The following SLC66A2 variants were observed in gnomAD, a reference collection of about 807,000 sequenced individuals.
The protein encoded by SLC66A2 is solute carrier family 66 member 2.
In SLC66A2, 23 loss-of-function variants were observed where a neutral mutation model predicts 25.5. The observed-to-expected ratio is 0.90, with a 90% CI of 0.65 to 1.28. SLC66A2 has a LOEUF of 1.28. Ranked by LOEUF, SLC66A2 falls within the 50% of genes most tolerant of loss-of-function variation. The pLI is 0.00. For synonymous variants in SLC66A2, 193 were observed against 166.5 expected (o/e 1.16, Z -1.23); for missense variants, 396 against 373.1 (o/e 1.06, Z -0.51).
chr18:79,924,818 A>C (rs1985736325), intron 4 of SLC66A2: 1 of 152,220 alleles, frequency 6.6e-6, no homozygotes, highest in Non-Finnish European at 1.5e-5. Context: ...CTGGGAATTA[A>C]GGTGCTGTCA....
intron 5 of SLC66A2, among the ~76,000 whole-genome samples, chr18:79,912,346 T>TGAAGAAC (rs528704260): frequency 1.5e-4 from 23 of 152,266 alleles, no homozygotes; most frequent in East Asian, 7.7e-4. Flanking sequence ...GTCCCTCAGC[T>TGAAGAAC]GAAGAACGAA....
At position 79,944,371 on chromosome 18, in the gene SLC66A2, C is replaced by G. The variant is rs926276836; in HGVS notation, c.204-909G>C. 3 of 152,810 alleles carry G rather than the reference C, an allele frequency of 2.0e-5. 1 individual carries two copies. The highest frequency in any genetic ancestry group is 4.4e-5 in the Non-Finnish European group (3 of 68,556). 9.5% of individuals were successfully genotyped at this position (152,810 alleles called of 1,614,324 possible). A position where few individuals can be genotyped will look rare whatever the true frequency, so the allele number is the denominator to read the frequency against. ...AGAAGACAGCCAAGGCTCTGCACCA[C>G]CCCCGCCCCCACGCCTCCCTGGCCC... On this transcript the variant is annotated intron_variant, in intron 2 of 5. Transcript: ENST00000397778.
intron 4 of SLC66A2, among the ~76,000 whole-genome samples, chr18:79,931,625 A>G (rs1435572435): frequency 6.6e-6 from 1 of 152,124 alleles, no homozygotes; most frequent in Non-Finnish European, 1.5e-5. Flanking sequence ...CTAACAGACA[A>G]CCCTCCACCT....
intron 2 of SLC66A2, among the ~76,000 whole-genome samples, chr18:79,947,827 T>TG (rs11291850): frequency 4.0e-5 from 6 of 148,968 alleles, no homozygotes; most frequent in Non-Finnish European, 7.5e-5. Flanking sequence ...AAGCCAGGAG[T>TG]GGGGGGTCAC....
In SLC66A2 at chr18:79,917,946, G is replaced by A. The variant is rs950352470; in HGVS notation, c.608+1238C>T. On this transcript the variant is annotated intron_variant, in intron 5 of 5. Coordinates refer to ENST00000397778, the MANE Select transcript of SLC66A2 (RefSeq NM_025078.5). The surrounding 1 kb of genome is among the most constrained non-coding windows in gnomAD (Gnocchi z 6.0). ...CCGGAACTCCATACCCCACACCCCA[G>A]CCCACACCTACACTTCACATCTGTG... Among the ~76,000 whole-genome samples the A allele has an allele frequency of 6.0e-5, 9 of 150,792 alleles. No individual in the cohort carries two copies. The highest frequency in any genetic ancestry group is 2.2e-4 in the African/African-American group (9 of 40,854).
chr18:79,907,151 G>A (rs539780965), intron 5 of SLC66A2, among the ~76,000 whole-genome samples: 79 of 152,258 alleles, frequency 5.2e-4, no homozygotes, highest in African/African-American at 1.7e-3. Context: ...TAATTGGTAT[G>A]ATTAGGCCAT....
At chr18:79,924,411 G>A (rs935996570) in intron 4 of SLC66A2, among the ~76,000 whole-genome samples, 3 of 152,164 alleles carry the variant, frequency 2.0e-5, no homozygotes, top group East Asian at 1.9e-4. Context: ...AGCCGCCGTC[G>A]GGGCTGGGGG....
At chr18:79,936,684 T>A (rs1987122548) in intron 3 of SLC66A2, among the ~76,000 whole-genome samples, 1 of 152,208 alleles carries the variant, frequency 6.6e-6, no homozygotes, top group African/African-American at 2.4e-5. Context: ...TAAAACAAAG[T>A]TAAACTTTAT....
At chr18:79,913,966 T>C (rs1983609106) in intron 5 of SLC66A2, among the ~76,000 whole-genome samples, 2 of 152,202 alleles carry the variant, frequency 1.3e-5, no homozygotes, top group Non-Finnish European at 2.9e-5. Context: ...TGGAGTGCAG[T>C]GGCGCGATCT....
chr18:79,905,611 C>G (rs1982007730), intron 5 of SLC66A2, among the ~76,000 whole-genome samples: 1 of 152,270 alleles, frequency 6.6e-6, no homozygotes, highest in Non-Finnish European at 1.5e-5. Flanking sequence ...GGTGACCCCG[C>G]CACCGGTCAC....
At chr18:79,933,134 T>A (rs1986735014) in intron 4 of SLC66A2, among the ~76,000 whole-genome samples, 2 of 152,210 alleles carry the variant, frequency 1.3e-5, no homozygotes. Context: ...AATGCAAGGT[T>A]GGTTCAACAC....
Position 79,933,999 on chromosome 18 carries a change from CTTCT to C in SLC66A2, c.357_360del (p.Glu120SerfsTer60). ...AAGGACCGCCTGGGGGCAACCTTGACTTCTTCATCCTTGCTATCTGCAGCTACAC... is the reference window on the plus strand; with the variant it reads ...AAGGACCGCCTGGGGGCAACCTTGACTCATCCTTGCTATCTGCAGCTACAC... On this transcript the variant is annotated frameshift_variant, in exon 4 of 6. Coordinates refer to ENST00000397778, the MANE Select transcript of SLC66A2 (RefSeq NM_025078.5). LOFTEE classifies it high-confidence loss of function. The C allele has an allele frequency of 1.2e-6, 2 of 1,612,768 alleles. No homozygotes were observed. The highest frequency in any genetic ancestry group is 2.2e-5 in the South Asian group (2 of 90,382).
intron 5 of SLC66A2, among the ~76,000 whole-genome samples, chr18:79,907,641 G>A (rs566610818): frequency 6.6e-6 from 1 of 152,094 alleles, no homozygotes; most frequent in Non-Finnish European, 1.5e-5. Context: ...GTGAGCCACC[G>A]TGTCAGGCCT....
chr18:79,946,706 A>G (rs938411093), intron 2 of SLC66A2, among the ~76,000 whole-genome samples: 34 of 152,234 alleles, frequency 2.2e-4, no homozygotes, highest in Admixed American at 1.6e-3. Flanking sequence ...AGTGGCTCAC[A>G]CCTGTAATCC....
chr18:79,944,891 A>AGCAGAAGCAGGGGGAACCCCACAGCCCC (rs1568338715), intron 2 of SLC66A2, among the ~76,000 whole-genome samples: 28 of 146,174 alleles, frequency 1.9e-4, no homozygotes, highest in Middle Eastern at 3.4e-3. Flanking sequence ...CCCCTTATCG[A>AGCAGAAGCAGGGGGAACCCCACAGCCCC]CTCAGAGCAG....
intron 3 of SLC66A2, among the ~76,000 whole-genome samples, chr18:79,934,913 G>T (rs996071838): frequency 6.6e-6 from 1 of 152,182 alleles, no homozygotes; most frequent in African/African-American, 2.4e-5. Flanking sequence ...GACTTAGGGT[G>T]TTGTTCCACT....
rs962746497 is a variant in SLC66A2 at position 79,923,712 on chromosome 18, A to T, written c.392-4312T>A. Among the ~76,000 whole-genome samples, 6 of 152,232 alleles carry T rather than the reference A, an allele frequency of 3.9e-5. No homozygotes were observed. In the East Asian group the frequency reaches 1.2e-3, roughly 29 times the overall value. ...TTTTTAGCTGTAAAACCAAAAGCAC[A>T]GGCAACAAAAGAAGAATAAAAGATA... On this transcript the variant is annotated intron_variant, in intron 4 of 5. Coordinates refer to ENST00000397778, the MANE Select transcript of SLC66A2 (RefSeq NM_025078.5).
rs955556879 is a variant in SLC66A2, at chr18:79,940,589, G to T, written c.337+2740C>A. On this transcript the variant is annotated intron_variant, in intron 3 of 5. Coordinates refer to ENST00000397778, the MANE Select transcript of SLC66A2 (RefSeq NM_025078.5). This position sits in a 1 kb window ranked among gnomAD's most constrained non-coding sequence, Gnocchi z 4.1. ...GGCTGGCCACCTTGCTTGGCATGGG[G>T]CTGTGCTGCAGGAGCTACCGATCGG... Among the ~76,000 whole-genome samples the T allele has an allele frequency of 1.3e-5, 2 of 152,122 alleles. No homozygotes were observed. Among genetic ancestry groups the T allele is most frequent in the African/African-American group, 4.8e-5 (2 of 41,426 alleles).
At position 79,950,721 on chromosome 18, in the gene SLC66A2, T is replaced by A. The variant is rs769934770; in HGVS notation, c.203+3A>T. ...AGCCCAGGAAAGCAAGCCCCCAACT[T>A]ACCAGAAGAGTATCCGCAAAATGTT... On this transcript the variant is annotated splice_donor_region_variant and intron_variant, in intron 2 of 5. Transcript: ENST00000397778. The A allele has an allele frequency of 1.9e-6, 3 of 1,612,738 alleles. No homozygotes were observed. In the African/African-American group the frequency reaches 4.0e-5, roughly 22 times the overall value.
Sources: gnomAD v4.1 joint callset for allele counts (sites outside exome capture counted in the v4.1 genomes callset) on GRCh38, gnomAD v4.1.1 for gene constraint, Gnocchi (gnomAD v3.1) non-coding constraint, MANE v1.5 for transcripts, NCBI Gene and HGNC (gene_info 2026-07-23, HGNC 2026-07-21) for gene names.